Variants in MTUS1 observed in about 807,000 individuals in gnomAD.
MTUS1 encodes microtubule associated scaffold protein 1.
A neutral mutation model predicts 120.8 loss-of-function variants in MTUS1; 109 were observed. The observed-to-expected ratio is 0.90, with a 90% confidence interval of 0.77 to 1.06. The LOEUF (loss-of-function observed/expected upper bound fraction) is 1.06. MTUS1 is among the 50% of genes least tolerant of loss of function. MTUS1 has a pLI of 0.00. For synonymous variants in MTUS1, 737 were observed against 550.5 expected (o/e 1.34, Z -4.74); for missense variants, 2,210 against 1,486.3 (o/e 1.49, Z -8.01).
intron 6 of MTUS1, chr8:17,697,568 G>C (rs1818236496): frequency 7.4e-7 from 1 of 1,355,958 alleles, no homozygotes. Flanking sequence ...AGTGTTTCTG[G>C]CTTCCGTTTT....
intron 7 of MTUS1, among the ~76,000 whole-genome samples, chr8:17,678,092 A>T (rs1309662679): frequency 6.6e-6 from 1 of 152,150 alleles, no homozygotes; most frequent in Non-Finnish European, 1.5e-5. Context: ...CCATAGATGA[A>T]ATGCTGACCC....
chr8:17,738,682 C>G (rs1352164102), intron 3 of MTUS1, among the ~76,000 whole-genome samples: 1 of 152,064 alleles, frequency 6.6e-6, no homozygotes, highest in Non-Finnish European at 1.5e-5. Context: ...GTATTAAGCC[C>G]GGCATGCATT....
At chr8:17,708,457 G>C (rs1205099718) in intron 6 of MTUS1, among the ~76,000 whole-genome samples, 1 of 152,180 alleles carries the variant, frequency 6.6e-6, no homozygotes, top group African/African-American at 2.4e-5. Context: ...GCCAAGTGTT[G>C]ACAAGGCTGT....
intron 1 of MTUS1, among the ~76,000 whole-genome samples, chr8:17,782,664 CT>C (rs375789416): frequency 1.8e-4 from 27 of 152,334 alleles, no homozygotes; most frequent in African/African-American, 6.5e-4. Context: ...AAACTGATCC[CT>C]TTTCTTTATC....
intron 2 of MTUS1, among the ~76,000 whole-genome samples, chr8:17,747,094 G>C (rs1207161617): frequency 6.6e-6 from 1 of 152,118 alleles, no homozygotes; most frequent in African/African-American, 2.4e-5. Context: ...CTCGAATAGG[G>C]TTAGACACCT....
At chr8:17,666,418 T>A (rs1349322569) in intron 8 of MTUS1, among the ~76,000 whole-genome samples, 1 of 152,148 alleles carries the variant, frequency 6.6e-6, no homozygotes, top group Non-Finnish European at 1.5e-5. Flanking sequence ...TAAAAGCTTA[T>A]TTATAAGAAT....
chr8:17,661,589 T>C (rs1200984128), intron 8 of MTUS1, among the ~76,000 whole-genome samples: 1 of 151,712 alleles, frequency 6.6e-6, no homozygotes, highest in African/African-American at 2.4e-5. Context: ...CCAAATAGGA[T>C]ACACAGAAGT....
intron 3 of MTUS1, among the ~76,000 whole-genome samples, chr8:17,728,765 G>C (rs1216908962): frequency 6.6e-6 from 1 of 151,934 alleles, no homozygotes; most frequent in African/African-American, 2.4e-5. Flanking sequence ...GGATGGATAT[G>C]GTGGGAAGAT....
chr8:17,767,792 A>G (rs1032788196), intron 1 of MTUS1, among the ~76,000 whole-genome samples: 8 of 151,672 alleles, frequency 5.3e-5, no homozygotes, highest in Non-Finnish European at 8.8e-5. Context: ...TAAAGAGCCA[A>G]CGGTTTGGTC....
intron 6 of MTUS1, among the ~76,000 whole-genome samples, chr8:17,709,334 A>G (rs1211647604): frequency 6.6e-6 from 1 of 152,072 alleles, no homozygotes; most frequent in African/African-American, 2.4e-5. Context: ...TTTCCCTCAC[A>G]TGACAGCCTT....
At chr8:17,649,257 A>G (rs1393618768) in intron 13 of MTUS1, among the ~76,000 whole-genome samples, 1 of 152,044 alleles carries the variant, frequency 6.6e-6, no homozygotes, top group African/African-American at 2.4e-5. Context: ...GGGTTTCACC[A>G]TGTTGGCCAG....
chr8:17,669,969 T>C lies in MTUS1; in HGVS notation c.2905+5217A>G, dbSNP rs555018386. 3.3e-4 allele frequency among the ~76,000 whole-genome samples: 51 copies of C among 152,354 alleles called. No individual in the cohort carries two copies. The Middle Eastern group carries it at 0.017, about 51-fold the overall frequency. On this transcript the variant is annotated intron_variant, in intron 8 of 14. Transcript: ENST00000693296. The stretch of plus-strand genomic sequence containing the variant: ...GGCAAGGTGACCCATTGGGTAGCTG[T>C]TGCAGTATCTTCCAGGTGAGAAATT...
At position 17,759,597 on chromosome 8, in the gene MTUS1, T is replaced by TTA. The variant is rs550552810; in HGVS notation, c.-154-3638_-154-3637dup. On this transcript the variant is annotated intron_variant, in intron 1 of 14. Transcript: ENST00000693296. ...GTGCATGTTACTATATATGTATATTTTATATATATATATAAAAGTTCTCTT... is the reference window on the plus strand; with the variant it reads ...GTGCATGTTACTATATATGTATATTTTATATATATATATATAAAAGTTCTCTT... Among the ~76,000 whole-genome samples the TTA allele has an allele frequency of 7.1e-4, 104 of 147,364 alleles. 1 individual carries two copies. Among genetic ancestry groups the TTA allele is most frequent in the African/African-American group, 2.1e-3 (87 of 40,680 alleles).
chr8:17,751,566 GA>G lies in MTUS1; in HGVS notation c.2091+2150del, dbSNP rs61384260. Among the ~76,000 whole-genome samples the G allele has an allele frequency of 1.3e-5, 2 of 151,788 alleles. 1 individual carries two copies. Among genetic ancestry groups the G allele is most frequent in the Non-Finnish European group, 2.9e-5 (2 of 67,952 alleles). Reference sequence around the variant, plus strand: ...AGCACTGTGCTTCAGACATGATCGTGAAAAAAGAGTAGGCCGGGGGCAGTGG... The same window carrying G: ...AGCACTGTGCTTCAGACATGATCGTGAAAAAGAGTAGGCCGGGGGCAGTGG... On this transcript the variant is annotated intron_variant, in intron 2 of 14. Coordinates refer to ENST00000693296, the MANE Select transcript of MTUS1 (RefSeq NM_001363059.2).
chr8:17,724,794 T>C (rs1426648331), intron 3 of MTUS1, among the ~76,000 whole-genome samples: 1 of 152,236 alleles, frequency 6.6e-6, no homozygotes, highest in Non-Finnish European at 1.5e-5. Context: ...CCTATGCGGA[T>C]GAATCCCATG....
At chr8:17,710,725 G>A (rs150759825) in intron 6 of MTUS1, among the ~76,000 whole-genome samples, 157 of 152,232 alleles carry the variant, frequency 1.0e-3, no homozygotes, top group Non-Finnish European at 1.5e-3. Context: ...ACTTTGCCCC[G>A]TTCCATCAGA....
At chr8:17,675,004 C>G in intron 8 of MTUS1, 182 bp downstream of exon 8, 8 of 1,407,964 alleles carry the variant, frequency 5.7e-6, no homozygotes, top group Non-Finnish European at 7.4e-6. Context: ...ATTCTGTGAA[C>G]TGAAGGTCAA....
chr8:17,754,981 G>C lies in MTUS1; in HGVS notation c.827C>G (p.Thr276Arg), dbSNP rs771169683. ...CSSGKVTSEY[T>R]DGSQQRLVGE... is the part of the protein sequence containing the mutation. Reference sequence around the variant, plus strand: ...AACTAGTCTTTGTTGTGATCCATCTGTGTACTCACTGGTGACCTTTCCTGA... The same window carrying C: ...AACTAGTCTTTGTTGTGATCCATCTCTGTACTCACTGGTGACCTTTCCTGA... Residue 276 changes from threonine to arginine, a missense_variant, in exon 2 of 15, where the codon ACA (threonine) becomes AGA (arginine). By Grantham distance (71) the Thr-to-Arg change is moderately conservative (BLOSUM62 -1). Transcript: ENST00000693296. 5.0e-6 allele frequency: 8 copies of C among 1,613,994 alleles called. No individual in the cohort carries two copies. Among genetic ancestry groups the C allele is most frequent in the Non-Finnish European group, 6.8e-6 (8 of 1,180,006 alleles).
At chr8:17,684,654 T>G (rs1815375499) in intron 6 of MTUS1, 112 bp from the exon 7 acceptor site, 1 of 836,474 alleles carries the variant, frequency 1.2e-6, no homozygotes, top group African/African-American at 1.7e-5. Flanking sequence ...TTAAGTTATG[T>G]TGCTGTAAGG....
Sources: gnomAD v4.1 joint callset for allele counts (sites outside exome capture counted in the v4.1 genomes callset) on GRCh38, gnomAD v4.1.1 for gene constraint, MANE v1.5 for transcripts, NCBI Gene and HGNC (gene_info 2026-07-23, HGNC 2026-07-21) for gene names.